Variants in ACACB observed in about 807,000 individuals in gnomAD.
ACACB encodes the protein acetyl-CoA carboxylase 2.
In ACACB, 209 loss-of-function variants were observed where a neutral mutation model predicts 278.8. The ratio of observed to expected loss-of-function variants is 0.75; its 90% confidence interval spans 0.67 to 0.84. ACACB has a LOEUF of 0.84. ACACB is among the 40% of genes least tolerant of loss of function. The pLI is 0.00. For missense variants in ACACB, 2,850 were observed against 3,269.0 expected, an observed-to-expected ratio of 0.87 and a Z score of 3.13; for synonymous variants, 1,174 against 1,285.6, an observed-to-expected ratio of 0.91 and a Z score of 1.86.
At chr12:109,245,770 A>G (rs10744772) in intron 38 of ACACB, 22 bp downstream of exon 38, 1,094,870 of 1,611,638 alleles carry the variant, frequency 0.68, 374,521 homozygotes, top group Admixed American at 0.76. Flanking sequence ...GCGGAGCCTA[A>G]CCCCTGGCTG....
In ACACB at chr12:109,193,740, C is replaced by T; in HGVS notation, c.2481+11C>T. Reference sequence around the variant, plus strand: ...AAGTACATTCTCAAGGTAAATGCCCCCGTGCCTCTCCGATGTCTCCAACAC... The same window carrying T: ...AAGTACATTCTCAAGGTAAATGCCCTCGTGCCTCTCCGATGTCTCCAACAC... On this transcript the variant is annotated intron_variant, in intron 16 of 52. Transcript: ENST00000338432. 1 of 1,600,406 alleles carries T rather than the reference C, an allele frequency of 6.2e-7. No individual in the cohort carries two copies. The highest frequency in any genetic ancestry group is 2.2e-5 in the East Asian group (1 of 44,776).
rs2047006613 is a variant in ACACB, at chr12:109,248,443, A to C, written c.5669+740A>C. Among the ~76,000 whole-genome samples the C allele has an allele frequency of 2.6e-5, 4 of 152,232 alleles. No individual in the cohort carries two copies. In the South Asian group the frequency reaches 8.3e-4, roughly 31 times the overall value. ...AGTAGTGGCTCGGTCTGAGTCTAAA[A>C]GCCTCAAAAGTAGGGAAGCCAATAG... On this transcript the variant is annotated intron_variant, in intron 40 of 52. Coordinates refer to ENST00000338432, the MANE Select transcript of ACACB (RefSeq NM_001093.4).
At chr12:109,144,708 A>AG (rs2043195940) in intron 2 of ACACB, among the ~76,000 whole-genome samples, 1 of 151,192 alleles carries the variant, frequency 6.6e-6, no homozygotes, top group South Asian at 2.1e-4. Flanking sequence ...CAAGGGACAA[A>AG]GGGGAGCTTC....
At position 109,235,617 on chromosome 12, in the gene ACACB, C is replaced by G; in HGVS notation, c.4416C>G (p.Pro1472=). 6.2e-7 allele frequency: 1 copy of G among 1,613,076 alleles called. No homozygotes were observed. The highest frequency in any genetic ancestry group is 1.1e-5 in the South Asian group (1 of 90,960). The change falls in exon 33 of 53, where the codon CCC becomes CCG. Residue 1472 remains proline (P), a synonymous_variant. Transcript: ENST00000338432. ...ATTTCTTTTTGCAGAAAGAATTTCC[C>G]AAGTTTTTCACATTCAGAGCAAGAG... ...TFLIAQEKEF[P]KFFTFRARDE...
At chr12:109,258,503 G>A in intron 46 of ACACB, 139 bp downstream of exon 46, 1 of 638,490 alleles carries the variant, frequency 1.6e-6, no homozygotes, top group South Asian at 2.0e-5. Context: ...GGCCCTGGGG[G>A]GCTCAGTGCC....
intron 28 of ACACB, among the ~76,000 whole-genome samples, chr12:109,231,828 G>C (rs1369173791): frequency 6.6e-6 from 1 of 152,158 alleles, no homozygotes; most frequent in Non-Finnish European, 1.5e-5. Context: ...TTCCAGCCCC[G>C]CACCAGGGAT....
intron 13 of ACACB, among the ~76,000 whole-genome samples, chr12:109,190,600 C>T (rs2044837391): frequency 6.7e-6 from 1 of 149,104 alleles, no homozygotes; most frequent in Non-Finnish European, 1.5e-5. Flanking sequence ...AAGGGAGAGA[C>T]AGAGGCGGTG....
chr12:109,168,405 G>C (rs1227125947), intron 4 of ACACB, among the ~76,000 whole-genome samples: 2 of 152,130 alleles, frequency 1.3e-5, no homozygotes, highest in East Asian at 3.9e-4. Context: ...ACAACTGTTG[G>C]ATGATTTACT....
chr12:109,184,558 A>G (rs77569767), intron 11 of ACACB, among the ~76,000 whole-genome samples: 8,086 of 152,152 alleles, frequency 0.053, 288 homozygotes, highest in Middle Eastern at 0.082. Flanking sequence ...TGTTCCAATA[A>G]TGTCTTTTTG....
chr12:109,150,603 C>T (rs553593749), intron 2 of ACACB, among the ~76,000 whole-genome samples: 32 of 152,170 alleles, frequency 2.1e-4, no homozygotes, highest in Admixed American at 1.4e-3. Context: ...TCTGGACATA[C>T]AGAGGGGGCC....
intron 41 of ACACB, 115 bp from the exon 42 acceptor site, chr12:109,251,931 C>A: frequency 1.5e-6 from 1 of 688,896 alleles, no homozygotes; most frequent in Non-Finnish European, 2.3e-6. Context: ...ATCGGGTTGC[C>A]ATTGGTCAAA....
At position 109,266,449 on chromosome 12, in the gene ACACB, C is replaced by T; in HGVS notation, c.*87C>T. 1.4e-6 allele frequency: 2 copies of T among 1,421,712 alleles called. No homozygotes were observed. The highest frequency in any genetic ancestry group is 3.0e-5 in the South Asian group (2 of 65,776). 88.1% of individuals were successfully genotyped at this position (1,421,712 alleles called of 1,614,324 possible). A position where few individuals can be genotyped will look rare whatever the true frequency, so the allele number is the denominator to read the frequency against. ...GTACACCCTCAGCAGACCCTGAAGA[C>T]TTGCTTTTAAACAAAGAAAATCCTG... On this transcript the variant is annotated 3_prime_UTR_variant, in exon 53 of 53. Coordinates refer to ENST00000338432, the MANE Select transcript of ACACB (RefSeq NM_001093.4).
Position 109,171,823 on chromosome 12 carries a change from A to T in ACACB, c.944A>T (p.Asp315Val), listed in dbSNP as rs2044125883. Residue 315 changes from aspartate (D) to valine (V), a missense_variant, in exon 5 of 53, where the codon GAT (aspartate) becomes GTT (valine). This residue lies in a region of ACACB where 2,265 missense variants were observed against 2,561.3 expected (regional missense o/e 0.88). Transcript: ENST00000338432. ...KANAEYIKMADHYVPVPGGPN... is the reference protein window; with the variant it reads ...KANAEYIKMAVHYVPVPGGPN... ...ATTTCAGAGTACATCAAGATGGCGG[A>T]TCATTACGTCCCCGTCCCAGGAGGG... The T allele has an allele frequency of 4.3e-6, 7 of 1,614,008 alleles. No individual in the cohort carries two copies. Among genetic ancestry groups the T allele is most frequent in the Non-Finnish European group, 5.9e-6 (7 of 1,179,912 alleles).
intron 9 of ACACB, among the ~76,000 whole-genome samples, chr12:109,178,835 C>T (rs1005959131): frequency 3.9e-5 from 6 of 152,164 alleles, no homozygotes; most frequent in Non-Finnish European, 8.8e-5. Context: ...AGCCATCTCT[C>T]GAGCAGTTGT....
Position 109,140,016 on chromosome 12 carries a change from A to G in ACACB, c.611A>G (p.Tyr204Cys), listed in dbSNP as rs750704133. Residue 204 changes from tyrosine to cysteine, a missense_variant, in exon 2 of 53, where the codon TAT (tyrosine) becomes TGT (cysteine). Physicochemically the swap from Tyr to Cys is radical, Grantham distance 194. Around this residue, in one of 3 missense-constraint regions of ACACB, gnomAD observed 2,265 missense variants for 2,561.3 expected, o/e 0.88. Coordinates refer to ENST00000338432, the MANE Select transcript of ACACB (RefSeq NM_001093.4). Reference protein sequence around the residue: ...ASLGALSLEAYLTTGEAETRV... With the variant: ...ASLGALSLEACLTTGEAETRV... Reference sequence around the variant, plus strand: ...TTGGGGGCCCTGTCCCTGGAGGCTTATCTGACCACAGGTGAAGCTGAGACC... The same window carrying G: ...TTGGGGGCCCTGTCCCTGGAGGCTTGTCTGACCACAGGTGAAGCTGAGACC... The G allele has an allele frequency of 1.2e-6, 2 of 1,608,746 alleles. No individual in the cohort carries two copies. The highest frequency in any genetic ancestry group is 2.7e-5 in the African/African-American group (2 of 74,886).
chr12:109,167,621 G>GTGTATATATATATATATATATA (rs1555210640), intron 3 of ACACB, among the ~76,000 whole-genome samples: 8 of 77,524 alleles, frequency 1.0e-4, no homozygotes, highest in African/African-American at 2.0e-4. Flanking sequence ...ATATGTATGT[G>GTGTATATATATATATATATATA]TATATATATA....
rs550072605 is a variant in ACACB at position 109,264,081 on chromosome 12, G to A, written c.6788-151G>A. ...GAGGGCAGCCTGTGTAGCAGCAGGG[G>A]TAATATCAGAGTTAAAGCTCAGACC... On this transcript the variant is annotated intron_variant, in intron 49 of 52. Transcript: ENST00000338432. 71 of 916,620 alleles carry A rather than the reference G, an allele frequency of 7.7e-5. No individual in the cohort carries two copies. The African/African-American group carries it at 1.0e-3, about 14-fold the overall frequency. 56.8% of individuals were successfully genotyped at this position (916,620 alleles called of 1,614,324 possible). A position where few individuals can be genotyped will look rare whatever the true frequency, so the allele number is the denominator to read the frequency against.
Position 109,166,921 on chromosome 12 carries a change from G to A in ACACB, c.714G>A (p.Leu238=). 1 of 1,614,090 alleles carries A rather than the reference G, an allele frequency of 6.2e-7. No individual in the cohort carries two copies. The highest frequency in any genetic ancestry group is 8.5e-7 in the Non-Finnish European group (1 of 1,180,036). ...GACGGGAACACAAGAAGCTGGACCT[G>A]CACAGAGACTTTACCGTGGCTTCTC... The part of the protein sequence containing the change: ...KRGREHKKLD[L]HRDFTVASPA... The change falls in exon 3 of 53, where the codon CTG becomes CTA. Residue 238 remains leucine (L), a synonymous_variant. Coordinates refer to ENST00000338432, the MANE Select transcript of ACACB (RefSeq NM_001093.4).
In ACACB at chr12:109,233,948, A is replaced by G; in HGVS notation, c.4250A>G (p.Glu1417Gly). Residue 1417 changes from glutamate (E) to glycine (G), a missense_variant, in exon 31 of 53, where the codon GAA (glutamate) becomes GGA (glycine). Glu to Gly is a moderately conservative substitution (Grantham distance 98). Around this residue, in one of 3 missense-constraint regions of ACACB, gnomAD observed 2,265 missense variants for 2,561.3 expected, o/e 0.88. Transcript: ENST00000338432. ...GCTTCTCCCTCTCAGAGCCTCAGAG[A>G]AGAGCCCATCCACATTCTGAATGTG... ...YSEDDCKSLR[E>G]EPIHILNVSI... is the part of the protein sequence containing the mutation. The G allele has an allele frequency of 6.2e-7, 1 of 1,614,102 alleles. No individual in the cohort carries two copies. Among genetic ancestry groups the G allele is most frequent in the Non-Finnish European group, 8.5e-7 (1 of 1,180,010 alleles).
Sources: gnomAD v4.1 joint callset for allele counts (sites outside exome capture counted in the v4.1 genomes callset) on GRCh38, gnomAD v4.1.1 for gene constraint, gnomAD v4.1.1 regional missense constraint, MANE v1.5 for transcripts, NCBI Gene and HGNC (gene_info 2026-07-23, HGNC 2026-07-21) for gene names.